Variants in SEMA6B observed in about 807,000 individuals in gnomAD.
The protein encoded by SEMA6B is semaphorin-6B.
SEMA6B carries 47 observed loss-of-function variants against 78.6 expected under a neutral mutation model. The ratio of observed to expected loss-of-function variants is 0.60; its 90% CI spans 0.47 to 0.76. The LOEUF is 0.76. Among genes scored for constraint, SEMA6B ranks in the 30% least tolerant of loss-of-function variants. The pLI, the probability that SEMA6B is intolerant of heterozygous loss-of-function variation, is 0.00. For missense variants in SEMA6B, 1,213 were observed against 1,269.9 expected (o/e 0.96, Z 0.68); for synonymous variants, 632 against 592.2 (o/e 1.07, Z -0.98).
intron 3 of SEMA6B, among the ~76,000 whole-genome samples, chr19:4,557,597 C>CCTCCTCAT (rs1275842187): frequency 6.6e-6 from 1 of 152,158 alleles, no homozygotes; most frequent in Admixed American, 6.5e-5. Context: ...ACTTCCGCAT[C>CCTCCTCAT]CTCCTCATCC....
At chr19:4,553,975 A>ATGAG (rs1977405940) in intron 9 of SEMA6B, among the ~76,000 whole-genome samples, 1 of 152,008 alleles carries the variant, frequency 6.6e-6, no homozygotes, top group South Asian at 2.1e-4. Context: ...TAGTGGGTGG[A>ATGAG]TGAGTGAGTG....
rs1977232626 is a variant in SEMA6B at position 4,548,449 on chromosome 19, GGGGACA to G, written c.1272-10_1272-5del. 1 of 1,610,432 alleles carries G rather than the reference GGGGACA, an allele frequency of 6.2e-7. No homozygotes were observed. The highest frequency in any genetic ancestry group is 2.2e-5 in the East Asian group (1 of 44,808). ...AGCCACTCGAGTCAGCTGGTGCCTG[GGGGACA>G]GGGCAGGGGAGGGTCAGGCTGGCCC... On this transcript the variant is annotated splice_region_variant and splice_polypyrimidine_tract_variant and intron_variant, in intron 12 of 16. Coordinates refer to ENST00000586582, the MANE Select transcript of SEMA6B (RefSeq NM_032108.4).
Position 4,544,177 on chromosome 19 carries a change from G to A in SEMA6B, c.2091C>T (p.Gly697=). The A allele has an allele frequency of 7.9e-7, 1 of 1,268,682 alleles. No individual in the cohort carries two copies. Among genetic ancestry groups the A allele is most frequent in the South Asian group, 2.7e-5 (1 of 37,354 alleles). 78.6% of individuals were successfully genotyped at this position (1,268,682 alleles called of 1,614,324 possible). The change falls in exon 17 of 17, where the codon GGC becomes GGT. Residue 697 remains glycine, a synonymous_variant. Coordinates refer to ENST00000586582, the MANE Select transcript of SEMA6B (RefSeq NM_032108.4). The surrounding 1 kb of genome is among the most constrained non-coding windows in gnomAD (Gnocchi z 5.1). The part of the protein sequence containing the change: ...NGWAKATLLQ[G]GPHDLDSGLL... The stretch of plus-strand genomic sequence containing the variant: ...GCCCCGAGTCCAGGTCGTGGGGCCC[G>A]CCCTGCAGCAGCGTGGCCTTGGCCC...
At chr19:4,551,047 A>G in intron 10 of SEMA6B, 117 bp from the exon 11 acceptor site, 1 of 1,172,204 alleles carries the variant, frequency 8.5e-7, no homozygotes, top group South Asian at 1.4e-5. Context: ...CCTAGGCCAG[A>G]GATGTCCCCT....
In SEMA6B at chr19:4,544,469, A is replaced by C; in HGVS notation, c.1799T>G (p.Val600Gly). ...CACGAAGGCCGCCACCGACGACGTTACCAGCAGGTTCACCGACACCAGCCC... is the reference window on the plus strand; with the variant it reads ...CACGAAGGCCGCCACCGACGACGTTCCCAGCAGGTTCACCGACACCAGCCC... ...RAGLVSVNLL[V>G]TSSVAAFVVG... The change falls in exon 17 of 17, where the codon GTA becomes GGA. Residue 600 changes from valine to glycine, a missense_variant. Val to Gly is a moderately radical substitution (Grantham distance 109). Transcript: ENST00000586582. The surrounding 1 kb of genome is among the most constrained non-coding windows in gnomAD (Gnocchi z 5.1). 3 of 1,597,604 alleles carry C rather than the reference A, an allele frequency of 1.9e-6. No individual in the cohort carries two copies. Among genetic ancestry groups the C allele is most frequent in the Non-Finnish European group, 2.6e-6 (3 of 1,173,034 alleles).
At position 4,544,163 on chromosome 19, in the gene SEMA6B, A is replaced by G. The variant is rs759453299; in HGVS notation, c.2105T>C (p.Leu702Pro). 6.8e-4 allele frequency: 863 copies of G among 1,270,322 alleles called. No homozygotes were observed. The highest frequency in any genetic ancestry group is 8.3e-4 in the Non-Finnish European group (839 of 1,010,248). The allele number at this position is 1,270,322 out of a possible 1,614,324, so 78.7% of individuals were successfully genotyped here. A position where few individuals can be genotyped will look rare whatever the true frequency, so the allele number is the denominator to read the frequency against. ...GGGCGTGGGCAGCAGCCCCGAGTCC[A>G]GGTCGTGGGGCCCGCCCTGCAGCAG... is the stretch of plus-strand genomic sequence containing the variant. ...ATLLQGGPHD[L>P]DSGLLPTPEQ... is the part of the protein sequence containing the mutation. Residue 702 changes from leucine (L) to proline (P), a missense_variant, in exon 17 of 17, where the codon CTG becomes CCG. By Grantham distance (98) the Leu-to-Pro change is moderately conservative (BLOSUM62 -3). Coordinates refer to ENST00000586582, the MANE Select transcript of SEMA6B (RefSeq NM_032108.4). The surrounding 1 kb of genome is among the most constrained non-coding windows in gnomAD (Gnocchi z 5.1).
At position 4,545,022 on chromosome 19, in the gene SEMA6B, G is replaced by A. The variant is rs556151931; in HGVS notation, c.1739-493C>T. On this transcript the variant is annotated intron_variant, in intron 16 of 16. Coordinates refer to ENST00000586582, the MANE Select transcript of SEMA6B (RefSeq NM_032108.4). ...CAGTGGTAAAGCTCACTGCAACCCT[G>A]CCTCCAGCTACCTGTTTGTTTTATT... Among the ~76,000 whole-genome samples, 8 of 152,028 alleles carry A rather than the reference G, an allele frequency of 5.3e-5. No individual in the cohort carries two copies. In the South Asian group the frequency reaches 1.5e-3, roughly 28 times the overall value.
Position 4,557,242 on chromosome 19 carries a change from TAGTG to T in SEMA6B, c.246-23_246-20del. On this transcript the variant is annotated intron_variant, in intron 3 of 16. Transcript: ENST00000586582. ...GTTGTCCCTGGGGGAGGGGCATAGT[TAGTG>T]AGAACTGGGGGCTCCGCCACCCTCT... The T allele has an allele frequency of 6.4e-7, 1 of 1,552,846 alleles. No individual in the cohort carries two copies. Among genetic ancestry groups the T allele is most frequent in the Non-Finnish European group, 8.7e-7 (1 of 1,145,724 alleles).
intron 3 of SEMA6B, 103 bp downstream of exon 3, chr19:4,557,923 C>T: frequency 9.7e-7 from 1 of 1,030,512 alleles, no homozygotes; most frequent in Non-Finnish European, 1.3e-6. Context: ...CCCAACAGGC[C>T]CTGCACGACC....
chr19:4,554,927 A>G (rs201492955), intron 8 of SEMA6B, 49 bp downstream of exon 8: 1 of 1,588,522 alleles, frequency 6.3e-7, no homozygotes, highest in East Asian at 2.3e-5. Flanking sequence ...GATGAATGTC[A>G]GGTTCTGGGC....
intron 14 of SEMA6B, among the ~76,000 whole-genome samples, chr19:4,546,773 C>T (rs769056881): frequency 6.6e-6 from 1 of 151,502 alleles, no homozygotes; most frequent in Non-Finnish European, 1.5e-5. Flanking sequence ...TACAGGCACG[C>T]GCCACCATAC....
Position 4,555,353 on chromosome 19 carries a change from T to A in SEMA6B, c.562+121A>T. ...CAAACCTGGGCTGAGAGTCTGCCCA[T>A]GTCACAGCTGGGACAAGTGGTCGTC... On this transcript the variant is annotated intron_variant, in intron 7 of 16. Coordinates refer to ENST00000586582, the MANE Select transcript of SEMA6B (RefSeq NM_032108.4). The surrounding 1 kb of genome is among the most constrained non-coding windows in gnomAD (Gnocchi z 6.1). The A allele has an allele frequency of 1.1e-6, 1 of 919,682 alleles. No homozygotes were observed. The highest frequency in any genetic ancestry group is 1.7e-6 in the Non-Finnish European group (1 of 605,746). 57.0% of individuals were successfully genotyped at this position (919,682 alleles called of 1,614,324 possible). A position where few individuals can be genotyped will look rare whatever the true frequency, so the allele number is the denominator to read the frequency against.
At chr19:4,554,800 C>A (rs1333611465) in intron 8 of SEMA6B, among the ~76,000 whole-genome samples, 176 bp downstream of exon 8, 1 of 152,190 alleles carries the variant, frequency 6.6e-6, no homozygotes, top group African/African-American at 2.4e-5. Context: ...TACTTTAGAT[C>A]CAACTAAACT....
rs781387498 is a variant in SEMA6B at position 4,558,080 on chromosome 19, T to C, written c.191A>G (p.Asp64Gly). 2.6e-6 allele frequency: 4 copies of C among 1,526,168 alleles called. No homozygotes were observed. The highest frequency in any genetic ancestry group is 3.5e-6 in the Non-Finnish European group (4 of 1,128,300). The allele number at this position is 1,526,168 out of a possible 1,614,324, so 94.5% of individuals were successfully genotyped here. ...CCGCAGGACTCGCTGGATGTTGAGG[T>C]CGTCAGCACCTTCTGCGGGGGTCAG... ...GRLTPAEGAD[D>G]LNIQRVLRVN... Residue 64 changes from aspartate (D) to glycine (G), a missense_variant, in exon 3 of 17, where the codon GAC becomes GGC. Coordinates refer to ENST00000586582, the MANE Select transcript of SEMA6B (RefSeq NM_032108.4). This position sits in a 1 kb window ranked among gnomAD's most constrained non-coding sequence, Gnocchi z 5.1.
At chr19:4,549,977 C>G in intron 12 of SEMA6B, 146 bp downstream of exon 12, 4 of 738,028 alleles carry the variant, frequency 5.4e-6, no homozygotes, top group Non-Finnish European at 6.6e-6. Flanking sequence ...GTCTCTCCAT[C>G]TTTCCCTCTC....
chr19:4,546,423 C>A lies in SEMA6B; in HGVS notation c.1648G>T (p.Gly550Cys). The change falls in exon 15 of 17, where the codon GGC becomes TGC. Residue 550 changes from glycine to cysteine, a missense_variant. Transcript: ENST00000586582. ...QDPYCGWAPD[G>C]SCIFLSPGTR... Reference sequence around the variant, plus strand: ...CCCGGGCTGAGGAAGATGCAGGAGCCGTCGGGGGCCCACCCGCAGTAGGGG... The same window carrying A: ...CCCGGGCTGAGGAAGATGCAGGAGCAGTCGGGGGCCCACCCGCAGTAGGGG... The A allele has an allele frequency of 6.3e-7, 1 of 1,580,682 alleles. No homozygotes were observed. The highest frequency in any genetic ancestry group is 2.3e-5 in the East Asian group (1 of 42,830).
At chr19:4,551,576 A>G (rs145893440) in intron 10 of SEMA6B, among the ~76,000 whole-genome samples, 1,742 of 151,676 alleles carry the variant, frequency 0.011, 29 homozygotes, top group African/African-American at 0.04. Context: ...TGACGCCTGT[A>G]ATCCCAACAC....
rs1416633552 is a variant in SEMA6B, at chr19:4,555,162, G to A, written c.563-67C>T. The A allele has an allele frequency of 7.7e-6, 12 of 1,554,888 alleles. No individual in the cohort carries two copies. The highest frequency in any genetic ancestry group is 6.8e-5 in the African/African-American group (5 of 73,886). ...GCAGAGGCCAGGGGCTGGGTGGGTC[G>A]AAACTCGATTTTCTGAGACTGAGTC... On this transcript the variant is annotated intron_variant, in intron 7 of 16. Transcript: ENST00000586582. This position sits in a 1 kb window ranked among gnomAD's most constrained non-coding sequence, Gnocchi z 6.1.
chr19:4,554,861 TG>T, intron 8 of SEMA6B, 114 bp downstream of exon 8: 1 of 1,260,122 alleles, frequency 7.9e-7, no homozygotes, highest in Non-Finnish European at 1.1e-6. Flanking sequence ...TCCAAAGATG[TG>T]GTGGAAATCT....
Sources: gnomAD v4.1 joint callset for allele counts (sites outside exome capture counted in the v4.1 genomes callset) on GRCh38, gnomAD v4.1.1 for gene constraint, Gnocchi (gnomAD v3.1) non-coding constraint, MANE v1.5 for transcripts, NCBI Gene and HGNC (gene_info 2026-07-23, HGNC 2026-07-21) for gene names.